Variants in HCN1 observed in about 807,000 individuals in gnomAD.
The protein encoded by HCN1 is hyperpolarization activated cyclic nucleotide gated potassium channel 1.
A neutral mutation model predicts 78.9 loss-of-function variants in HCN1; 13 were observed. The observed-to-expected ratio is 0.16, with a 90% CI of 0.11 to 0.26. The LOEUF (loss-of-function observed/expected upper bound fraction) is 0.26, where lower values mean the gene tolerates loss of function less well. Ranked by LOEUF, HCN1 falls within the 10% of genes least tolerant of loss-of-function variation. The pLI, the probability that HCN1 is intolerant of heterozygous loss-of-function variation, is 1.00. For synonymous variants in HCN1, 552 were observed against 455.5 expected (o/e 1.21, Z -2.70); for missense variants, 810 against 1,154.3 (o/e 0.70, Z 4.32).
intron 6 of HCN1, among the ~76,000 whole-genome samples, chr5:45,274,665 G>T (rs531091658): frequency 6.6e-6 from 1 of 152,252 alleles, no homozygotes; most frequent in Non-Finnish European, 1.5e-5. Context: ...CACACATCAA[G>T]TAGCTCTCCA....
At chr5:45,364,271 A>G (rs1381728763) in intron 4 of HCN1, among the ~76,000 whole-genome samples, 2 of 152,116 alleles carry the variant, frequency 1.3e-5, no homozygotes, top group African/African-American at 2.4e-5. Flanking sequence ...GACTTCAGTT[A>G]CTATCAATAT....
chr5:45,278,044 G>A (rs547430528), intron 6 of HCN1, among the ~76,000 whole-genome samples: 1 of 152,040 alleles, frequency 6.6e-6, no homozygotes, highest in South Asian at 2.1e-4. Context: ...ATCCCTTACA[G>A]TGCTTCTTTT....
At chr5:45,663,316 T>C (rs923412302) in intron 1 of HCN1, among the ~76,000 whole-genome samples, 38 of 141,684 alleles carry the variant, frequency 2.7e-4, no homozygotes, top group Non-Finnish European at 5.2e-4. Flanking sequence ...TCAAGATGGA[T>C]TAAAGATTTA....
In HCN1 at chr5:45,696,051, C is replaced by A; in HGVS notation, c.43G>T (p.Asp15Tyr). 7 of 1,353,818 alleles carry A rather than the reference C, an allele frequency of 5.2e-6. No individual in the cohort carries two copies. Among genetic ancestry groups the A allele is most frequent in the Non-Finnish European group, 6.7e-6 (7 of 1,043,226 alleles). 83.9% of individuals were successfully genotyped at this position (1,353,818 alleles called of 1,614,324 possible). ...GCGGGGAAGACGCTGTTGCCATCGT[C>A]CCGGCTGTTAGACGAAGAGTTGGGC... The part of the protein sequence containing the change: ...GKPNSSSNSR[D>Y]DGNSVFPAKA... Residue 15 changes from aspartate to tyrosine, a missense_variant, in exon 1 of 8, where the codon GAC (aspartate) becomes TAC (tyrosine). Physicochemically the swap from Asp to Tyr is radical, Grantham distance 160. Around this residue, in one of 6 missense-constraint regions of HCN1, gnomAD observed 170 missense variants for 166.8 expected, o/e 1.02. Transcript: ENST00000303230.
intron 1 of HCN1, among the ~76,000 whole-genome samples, chr5:45,665,215 A>G (rs1350515392): frequency 1.3e-5 from 2 of 150,290 alleles, no homozygotes; most frequent in African/African-American, 4.9e-5. Context: ...ACCAAACACC[A>G]CATGTTCTCA....
intron 5 of HCN1, among the ~76,000 whole-genome samples, chr5:45,310,335 C>T (rs893884120): frequency 6.6e-6 from 1 of 151,910 alleles, no homozygotes; most frequent in Non-Finnish European, 1.5e-5. Flanking sequence ...ACAAACAACC[C>T]CATTAAAAAG....
chr5:45,510,308 T>G (rs933321345), intron 2 of HCN1, among the ~76,000 whole-genome samples: 5 of 152,048 alleles, frequency 3.3e-5, no homozygotes, highest in Non-Finnish European at 5.9e-5. Context: ...GTGAAGAACA[T>G]TTTTTTCAGA....
At position 45,438,640 on chromosome 5, in the gene HCN1, A is replaced by G. The variant is rs367688619; in HGVS notation, c.1011+23206T>C. On this transcript the variant is annotated intron_variant, in intron 3 of 7. Coordinates refer to ENST00000303230, the MANE Select transcript of HCN1 (RefSeq NM_021072.4). ...AAAAAGAAAAACAAACAACAACAAC[A>G]AAAACAACAAAACACCTGAGTTAAA... Among the ~76,000 whole-genome samples, 280 of 152,126 alleles carry G rather than the reference A, an allele frequency of 1.8e-3. 2 individuals are homozygous for G. Among genetic ancestry groups the G allele is most frequent in the African/African-American group, 6.2e-3 (258 of 41,510 alleles).
At chr5:45,314,030 C>G (rs1023377969) in intron 5 of HCN1, among the ~76,000 whole-genome samples, 1 of 151,558 alleles carries the variant, frequency 6.6e-6, no homozygotes, top group Non-Finnish European at 1.5e-5. Context: ...CACAAAGATA[C>G]GAGAAGAGCA....
chr5:45,291,933 T>C (rs1265763807), intron 6 of HCN1, among the ~76,000 whole-genome samples: 1 of 152,124 alleles, frequency 6.6e-6, no homozygotes, highest in Non-Finnish European at 1.5e-5. Flanking sequence ...TATGTATACA[T>C]TTGTTTATTG....
chr5:45,496,418 G>C (rs1403383532), intron 2 of HCN1, among the ~76,000 whole-genome samples: 1 of 151,980 alleles, frequency 6.6e-6, no homozygotes, highest in African/African-American at 2.4e-5. Context: ...TCTGATGGTA[G>C]TTTGAAATAG....
At chr5:45,540,144 A>G (rs1463610278) in intron 2 of HCN1, among the ~76,000 whole-genome samples, 1 of 151,900 alleles carries the variant, frequency 6.6e-6, no homozygotes, top group Non-Finnish European at 1.5e-5. Flanking sequence ...TTAAAGCAGT[A>G]TACAAATTTT....
intron 3 of HCN1, among the ~76,000 whole-genome samples, chr5:45,456,491 T>C (rs79583745): frequency 0.019 from 2,864 of 152,088 alleles, 42 homozygotes; most frequent in Non-Finnish European, 0.029. Context: ...AATTAAATAA[T>C]GCACAGATTC....
At chr5:45,565,191 C>T (rs966966215) in intron 2 of HCN1, among the ~76,000 whole-genome samples, 1 of 152,154 alleles carries the variant, frequency 6.6e-6, no homozygotes, top group Admixed American at 6.6e-5. Context: ...AATCTACACC[C>T]TATTCCCAAA....
intron 2 of HCN1, among the ~76,000 whole-genome samples, chr5:45,633,809 C>A (rs563249899): frequency 1.3e-5 from 2 of 151,992 alleles, no homozygotes; most frequent in South Asian, 4.1e-4. Context: ...TATAAAATCA[C>A]ATATCTAAGA....
intron 1 of HCN1, among the ~76,000 whole-genome samples, chr5:45,651,368 A>G (rs1289209125): frequency 6.6e-6 from 1 of 152,034 alleles, no homozygotes; most frequent in Non-Finnish European, 1.5e-5. Flanking sequence ...ACTAATTAAC[A>G]TCATTAGCCA....
intron 5 of HCN1, among the ~76,000 whole-genome samples, chr5:45,342,387 A>G (rs1310275694): frequency 2.1e-5 from 3 of 144,488 alleles, no homozygotes; most frequent in Non-Finnish European, 4.5e-5. Context: ...ATGCCACTAC[A>G]CCTGGCTATT....
intron 6 of HCN1, among the ~76,000 whole-genome samples, chr5:45,294,854 G>A (rs902872117): frequency 1.3e-5 from 2 of 152,066 alleles, no homozygotes; most frequent in Non-Finnish European, 2.9e-5. Context: ...AGGCAGTGAG[G>A]TATTCTGGAA....
chr5:45,433,624 G>A (rs1740507670), intron 3 of HCN1, among the ~76,000 whole-genome samples: 1 of 152,028 alleles, frequency 6.6e-6, no homozygotes, highest in South Asian at 2.1e-4. Context: ...TCATATTCTT[G>A]TTTATAGGCA....
Sources: gnomAD v4.1 joint callset for allele counts (sites outside exome capture counted in the v4.1 genomes callset) on GRCh38, gnomAD v4.1.1 for gene constraint, gnomAD v4.1.1 regional missense constraint, MANE v1.5 for transcripts, NCBI Gene and HGNC (gene_info 2026-07-23, HGNC 2026-07-21) for gene names.